The following DNAJC8 variants were observed in gnomAD, a reference collection of about 807,000 sequenced individuals.
DNAJC8 encodes DnaJ heat shock protein family (Hsp40) member C8.
In DNAJC8, 24 loss-of-function variants were observed where a neutral mutation model predicts 43.2. The ratio of observed to expected loss-of-function variants is 0.56; its 90% confidence interval spans 0.40 to 0.78. The LOEUF is 0.78. DNAJC8 is among the 30% of genes least tolerant of loss of function. DNAJC8 has a pLI of 0.00. For synonymous variants in DNAJC8, 83 were observed against 98.0 expected (o/e 0.85, Z 0.90); for missense variants, 207 against 299.4 (o/e 0.69, Z 2.28).
In DNAJC8 at chr1:28,201,096, A is replaced by T; in HGVS notation, c.*152T>A. The stretch of plus-strand genomic sequence containing the variant: ...CCTCATTTCAATGTACAAAAGAATT[A>T]CTCTGATCGATATTAAATCGTATTG... On this transcript the variant is annotated 3_prime_UTR_variant, in exon 9 of 9. Transcript: ENST00000263697. 8.8e-7 allele frequency: 1 copy of T among 1,136,052 alleles called. No individual in the cohort carries two copies. Among genetic ancestry groups the T allele is most frequent in the African/African-American group, 1.6e-5 (1 of 64,376 alleles). 70.4% of individuals were successfully genotyped at this position (1,136,052 alleles called of 1,614,324 possible).
intron 3 of DNAJC8, among the ~76,000 whole-genome samples, chr1:28,212,109 T>C (rs1646814232): frequency 7.0e-6 from 1 of 142,624 alleles, no homozygotes; most frequent in African/African-American, 2.6e-5. Context: ...TGAGCCAAGA[T>C]CGCAACACTG....
At chr1:28,215,384 A>G (rs544432093) in intron 2 of DNAJC8, among the ~76,000 whole-genome samples, 19 of 152,230 alleles carry the variant, frequency 1.2e-4, no homozygotes, top group Non-Finnish European at 2.5e-4. Context: ...AAAATAGCCC[A>G]ATGGACACTT....
intron 2 of DNAJC8, among the ~76,000 whole-genome samples, chr1:28,222,911 A>G (rs919769806): frequency 2.6e-5 from 4 of 152,198 alleles, no homozygotes; most frequent in Admixed American, 1.3e-4. Flanking sequence ...ATGGGAGGGC[A>G]GCCAGCGCAG....
At position 28,205,364 on chromosome 1, in the gene DNAJC8, A is replaced by G. The variant is rs1259583023; in HGVS notation, c.472-15T>C. The G allele has an allele frequency of 6.3e-7, 1 of 1,578,836 alleles. No individual in the cohort carries two copies. The highest frequency in any genetic ancestry group is 8.6e-7 in the Non-Finnish European group (1 of 1,156,714). ...GCTTGTTTGAACTACAGGAAAATCA[A>G]GAACAAAAGAAAATCAGAGTAAATA... On this transcript the variant is annotated splice_polypyrimidine_tract_variant and intron_variant, in intron 6 of 8. Transcript: ENST00000263697.
intron 8 of DNAJC8, among the ~76,000 whole-genome samples, chr1:28,203,109 C>T (rs1348968940): frequency 1.3e-5 from 2 of 152,156 alleles, no homozygotes. Context: ...GGGGTGGCCA[C>T]TAGGACCTCT....
At chr1:28,203,682 G>C in intron 8 of DNAJC8, 65 bp downstream of exon 8, 1 of 1,512,314 alleles carries the variant, frequency 6.6e-7, no homozygotes, top group Middle Eastern at 2.0e-4. Context: ...TCAGTCCTGG[G>C]AGCGCCACAG....
At chr1:28,216,216 C>T (rs1212387592) in intron 2 of DNAJC8, among the ~76,000 whole-genome samples, 4 of 151,984 alleles carry the variant, frequency 2.6e-5, no homozygotes, top group Admixed American at 6.6e-5. Flanking sequence ...GGCGTAGTGG[C>T]GCATGAAAAT....
intron 1 of DNAJC8, among the ~76,000 whole-genome samples, chr1:28,229,768 C>T (rs773194668): frequency 8.2e-5 from 12 of 146,612 alleles, no homozygotes; most frequent in Non-Finnish European, 1.3e-4. Flanking sequence ...AGCGAGACTC[C>T]GTCTCAAAAA....
At chr1:28,203,930 C>G in intron 7 of DNAJC8, 108 bp from the exon 8 acceptor site, 1 of 1,072,674 alleles carries the variant, frequency 9.3e-7, no homozygotes, top group Non-Finnish European at 1.4e-6. Context: ...AATCAATTCC[C>G]TAGAAGTCTA....
intron 6 of DNAJC8, among the ~76,000 whole-genome samples, chr1:28,206,985 T>C (rs1227333388): frequency 6.6e-6 from 1 of 152,108 alleles, no homozygotes; most frequent in Non-Finnish European, 1.5e-5. Flanking sequence ...ATACACGGGA[T>C]AGACAGACAC....
At chr1:28,215,561 G>T (rs1646846297) in intron 2 of DNAJC8, among the ~76,000 whole-genome samples, 1 of 151,758 alleles carries the variant, frequency 6.6e-6, no homozygotes, top group East Asian at 1.9e-4. Context: ...TTTTGAGATG[G>T]AGTCTCGCTC....
At chr1:28,217,564 AC>A (rs1208296548) in intron 2 of DNAJC8, among the ~76,000 whole-genome samples, 1 of 152,116 alleles carries the variant, frequency 6.6e-6, no homozygotes, top group African/African-American at 2.4e-5. Flanking sequence ...TGGGAAAGTC[AC>A]TCAATAGGAA....
rs1572057169 is a variant in DNAJC8 at position 28,200,366 on chromosome 1, A to G, written c.*882T>C. On this transcript the variant is annotated 3_prime_UTR_variant, in exon 9 of 9. Transcript: ENST00000263697. ...AGGATATTGGCAATACCCAAGGAGCACTATGGTAGTTACCTTGTATATGCC... is the reference window on the plus strand; with the variant it reads ...AGGATATTGGCAATACCCAAGGAGCGCTATGGTAGTTACCTTGTATATGCC... The G allele has an allele frequency of 2.5e-6, 1 of 403,102 alleles. No homozygotes were observed. The highest frequency in any genetic ancestry group is 1.8e-5 in the South Asian group (1 of 55,386). The allele number at this position is 403,102 out of a possible 1,614,324, so 25.0% of individuals were successfully genotyped here.
chr1:28,216,642 T>TA (rs927890223), intron 2 of DNAJC8, among the ~76,000 whole-genome samples: 43 of 148,406 alleles, frequency 2.9e-4, no homozygotes, highest in South Asian at 8.5e-4. Context: ...GTTCTTGAGT[T>TA]AAAAAAAAAA....
intron 2 of DNAJC8, among the ~76,000 whole-genome samples, chr1:28,224,532 T>C (rs918768919): frequency 1.2e-4 from 19 of 152,004 alleles, no homozygotes; most frequent in African/African-American, 4.6e-4. Context: ...CCTCCCAAAG[T>C]GTTGGAATTA....
At chr1:28,215,369 A>AG (rs1333102348) in intron 2 of DNAJC8, among the ~76,000 whole-genome samples, 3 of 152,164 alleles carry the variant, frequency 2.0e-5, no homozygotes, top group Non-Finnish European at 4.4e-5. Flanking sequence ...AACTCAAAAA[A>AG]GAAAAAAATA....
At chr1:28,212,916 TA>T (rs1572063437) in intron 3 of DNAJC8, among the ~76,000 whole-genome samples, 1 of 152,180 alleles carries the variant, frequency 6.6e-6, no homozygotes, top group East Asian at 1.9e-4. Context: ...TGGGCTGATA[TA>T]AGAATGAAAC....
intron 2 of DNAJC8, among the ~76,000 whole-genome samples, chr1:28,220,536 A>C (rs1389120506): frequency 6.6e-6 from 1 of 152,196 alleles, no homozygotes; most frequent in Non-Finnish European, 1.5e-5. Flanking sequence ...TAAGGGCAAG[A>C]GGGGGCTAAA....
At chr1:28,215,437 T>C (rs951388247) in intron 2 of DNAJC8, among the ~76,000 whole-genome samples, 1 of 152,138 alleles carries the variant, frequency 6.6e-6, no homozygotes, top group Admixed American at 6.6e-5. Flanking sequence ...GAGTGAATAT[T>C]AGAATCACCT....
Sources: gnomAD v4.1 joint callset for allele counts (sites outside exome capture counted in the v4.1 genomes callset) on GRCh38, gnomAD v4.1.1 for gene constraint, MANE v1.5 for transcripts, NCBI Gene and HGNC (gene_info 2026-07-23, HGNC 2026-07-21) for gene names.